Variants in MAGI1 observed in about 807,000 individuals in gnomAD.
MAGI1 encodes the protein membrane associated guanylate kinase, WW and PDZ domain containing 1, also known as membrane-associated guanylate kinase, WW and PDZ domain-containing protein 1.
A neutral mutation model predicts 139.9 loss-of-function variants in MAGI1; 58 were observed. The observed-to-expected ratio is 0.41, with a 90% confidence interval of 0.34 to 0.52. The LOEUF is 0.52. Among genes scored for constraint, MAGI1 ranks in the 20% least tolerant of loss-of-function variants. MAGI1 has a pLI of 0.12. For synonymous variants in MAGI1, 812 were observed against 737.9 expected (o/e 1.10, Z -1.63); for missense variants, 1,874 against 1,901.6 (o/e 0.99, Z 0.27).
chr3:65,387,879 A>G (rs1559514998), intron 14 of MAGI1, among the ~76,000 whole-genome samples: 1 of 152,268 alleles, frequency 6.6e-6, no homozygotes, highest in Non-Finnish European at 1.5e-5. Flanking sequence ...GGACAGATTT[A>G]CAATGTTGGT....
At chr3:65,906,330 G>A (rs1422664114) in intron 1 of MAGI1, among the ~76,000 whole-genome samples, 1 of 152,142 alleles carries the variant, frequency 6.6e-6, no homozygotes, top group Admixed American at 6.5e-5. Flanking sequence ...GTTAGGATGA[G>A]GCAGGCAGAT....
At position 65,476,666 on chromosome 3, in the gene MAGI1, T is replaced by C. The variant is rs1025126586; in HGVS notation, c.757+1926A>G. On this transcript the variant is annotated intron_variant, in intron 4 of 22. Transcript: ENST00000402939. ...GACCACCCAATCTGCTTGGCAGAAC[T>C]GTTTTGCCGCACACTACCCCCAAAG... 3.9e-5 allele frequency among the ~76,000 whole-genome samples: 6 copies of C among 152,308 alleles called. No individual in the cohort carries two copies. In the South Asian group the frequency reaches 1.2e-3, roughly 32 times the overall value.
At chr3:65,589,826 A>G (rs2081878452) in intron 2 of MAGI1, among the ~76,000 whole-genome samples, 1 of 146,818 alleles carries the variant, frequency 6.8e-6, no homozygotes, top group Non-Finnish European at 1.5e-5. Flanking sequence ...GATGGTTGCC[A>G]GGGTGGTTTT....
rs963921151 is a variant in MAGI1 at position 65,778,223 on chromosome 3, A to T, written c.314-156135T>A. On this transcript the variant is annotated intron_variant, in intron 1 of 22. Transcript: ENST00000402939. ...GGCTGGCGGATCACCTGAGGTAAGG[A>T]GTTCAAGATCAGGCTGGCCAACATG... Among the ~76,000 whole-genome samples the T allele has an allele frequency of 3.9e-5, 6 of 152,232 alleles. No individual in the cohort carries two copies. The East Asian group carries it at 1.2e-3, about 29-fold the overall frequency.
intron 13 of MAGI1, among the ~76,000 whole-genome samples, chr3:65,394,693 A>T (rs201993409): frequency 0.06 from 7,927 of 133,190 alleles, 311 homozygotes; most frequent in Middle Eastern, 0.099. Flanking sequence ...TTTTTTTTTT[A>T]TTTTCTGTTA....
intron 5 of MAGI1, among the ~76,000 whole-genome samples, chr3:65,461,344 T>G (rs1015959415): frequency 3.3e-5 from 5 of 151,862 alleles, no homozygotes; most frequent in African/African-American, 1.2e-4. Context: ...GTCTCCTGAG[T>G]AGCTGGAACT....
intron 5 of MAGI1, among the ~76,000 whole-genome samples, chr3:65,465,433 C>A (rs114694586): frequency 0.016 from 2,403 of 151,824 alleles, 20 homozygotes; most frequent in Middle Eastern, 0.048. Flanking sequence ...CTGCTGGCAG[C>A]AAATTTTCTT....
intron 1 of MAGI1, among the ~76,000 whole-genome samples, chr3:65,940,653 G>A (rs1162818701): frequency 1.3e-5 from 2 of 152,114 alleles, no homozygotes; most frequent in African/African-American, 4.8e-5. Flanking sequence ...TCTATAACAC[G>A]GGTCCCATTA....
intron 1 of MAGI1, among the ~76,000 whole-genome samples, chr3:65,738,176 G>C (rs769736826): frequency 4.6e-5 from 7 of 152,160 alleles, no homozygotes; most frequent in Non-Finnish European, 7.3e-5. Context: ...CTGTGGGTTC[G>C]GTTCCTGATG....
intron 1 of MAGI1, among the ~76,000 whole-genome samples, chr3:65,996,551 G>A (rs980340912): frequency 1.3e-5 from 2 of 151,338 alleles, no homozygotes; most frequent in South Asian, 2.1e-4. Flanking sequence ...GGGGGGGGGG[G>A]GGGAAGCGAG....
In MAGI1 at chr3:66,024,529, G is replaced by A. The variant is rs571811187; in HGVS notation, c.313+13467C>T. On this transcript the variant is annotated intron_variant, in intron 1 of 22. Coordinates refer to ENST00000402939, the MANE Select transcript of MAGI1 (RefSeq NM_001033057.2). The stretch of plus-strand genomic sequence containing the variant: ...TTAAAATACTACTCAGTATCCAGCC[G>A]GGCGCGGTGGCTCACGCCTGTAATC... Among the ~76,000 whole-genome samples, 8 of 152,168 alleles carry A rather than the reference G, an allele frequency of 5.3e-5. No individual in the cohort carries two copies. In the East Asian group the frequency reaches 7.8e-4, roughly 15 times the overall value.
At chr3:65,822,394 G>A (rs2041997139) in intron 1 of MAGI1, among the ~76,000 whole-genome samples, 1 of 152,118 alleles carries the variant, frequency 6.6e-6, no homozygotes, top group South Asian at 2.1e-4. Context: ...CGAGTGCGGT[G>A]GTGCATGCCT....
chr3:65,536,728 T>G (rs192307832), intron 2 of MAGI1, among the ~76,000 whole-genome samples: 2 of 152,180 alleles, frequency 1.3e-5, no homozygotes, highest in Non-Finnish European at 2.9e-5. Flanking sequence ...TCTTGGGACA[T>G]TGGTTGTAAC....
rs1352147786 is a variant in MAGI1, at chr3:65,779,085, C to G, written c.314-156997G>C. The stretch of plus-strand genomic sequence containing the variant: ...ATAGGAAAAGAAACCCTGTAGCAAC[C>G]CACAAAATGAAAATTTTTTGACTTT... On this transcript the variant is annotated intron_variant, in intron 1 of 22. Transcript: ENST00000402939. Among the ~76,000 whole-genome samples, 5 of 152,312 alleles carry G rather than the reference C, an allele frequency of 3.3e-5. No homozygotes were observed. In the East Asian group the frequency reaches 9.7e-4, roughly 29 times the overall value.
chr3:65,741,310 G>A (rs1394255527), intron 1 of MAGI1, among the ~76,000 whole-genome samples: 1 of 152,044 alleles, frequency 6.6e-6, no homozygotes, highest in Non-Finnish European at 1.5e-5. Context: ...AAGTAGCTGG[G>A]ACTACAGATG....
At chr3:65,563,379 G>A (rs1013057103) in intron 2 of MAGI1, among the ~76,000 whole-genome samples, 3 of 152,158 alleles carry the variant, frequency 2.0e-5, no homozygotes, top group Admixed American at 6.6e-5. Flanking sequence ...AGGTGTTCAA[G>A]CTCCAGTGTA....
chr3:65,569,788 T>A (rs1339758523), intron 2 of MAGI1, among the ~76,000 whole-genome samples: 2 of 151,382 alleles, frequency 1.3e-5, no homozygotes, highest in East Asian at 3.9e-4. Context: ...GATGGGAAGA[T>A]CTCTTGAGCC....
At chr3:65,767,551 A>G (rs752969516) in intron 1 of MAGI1, among the ~76,000 whole-genome samples, 3 of 152,250 alleles carry the variant, frequency 2.0e-5, no homozygotes, top group Non-Finnish European at 4.4e-5. Context: ...TATAGTATTT[A>G]GAAAGCTCAA....
chr3:65,747,085 G>T (rs2035771777), intron 1 of MAGI1, among the ~76,000 whole-genome samples: 1 of 152,192 alleles, frequency 6.6e-6, no homozygotes, highest in African/African-American at 2.4e-5. Context: ...ACGAATGTGT[G>T]AGGCCAGGAA....
Sources: gnomAD v4.1 joint callset for allele counts (sites outside exome capture counted in the v4.1 genomes callset) on GRCh38, gnomAD v4.1.1 for gene constraint, MANE v1.5 for transcripts, NCBI Gene and HGNC (gene_info 2026-07-23, HGNC 2026-07-21) for gene names.